Variants in THSD7B observed in about 807,000 individuals in gnomAD.
THSD7B encodes thrombospondin type-1 domain-containing protein 7B.
In THSD7B, 138 loss-of-function variants were observed where a neutral mutation model predicts 213.6. The ratio of observed to expected loss-of-function variants is 0.65; its 90% CI spans 0.56 to 0.74. THSD7B has a LOEUF of 0.74. THSD7B is among the 30% of genes least tolerant of loss of function. The probability of loss-of-function intolerance (pLI) is 0.00; values close to 1 mark genes in which losing one functional copy is unlikely to be tolerated. For missense variants in THSD7B, 1,931 were observed against 1,991.5 expected, an observed-to-expected ratio of 0.97 and a Z score of 0.58; for synonymous variants, 742 against 687.0, an observed-to-expected ratio of 1.08 and a Z score of -1.25.
At chr2:137,428,235 C>T (rs534052956) in intron 14 of THSD7B, among the ~76,000 whole-genome samples, 1 of 152,148 alleles carries the variant, frequency 6.6e-6, no homozygotes, top group East Asian at 1.9e-4. Flanking sequence ...TAAGGAACTA[C>T]AGACCAAAGC....
intron 4 of THSD7B, among the ~76,000 whole-genome samples, chr2:137,111,861 A>G (rs1015371356): frequency 1.3e-5 from 2 of 152,144 alleles, no homozygotes; most frequent in African/African-American, 2.4e-5. Context: ...TCGAAGTTTC[A>G]TCTCAGAGGA....
intron 12 of THSD7B, among the ~76,000 whole-genome samples, chr2:137,288,792 AATATAT>A (rs145513737): frequency 0.41 from 59,904 of 145,268 alleles, 11,973 homozygotes; most frequent in South Asian, 0.57. Context: ...CTAGAAACAT[AATATAT>A]ATATATATAT....
In THSD7B at chr2:136,890,303, C is replaced by CCTCCTCTTCTTCTT. The variant is rs1553455794; in HGVS notation, c.139+7988_139+7989insCCTCTTCTTCTTCT. On this transcript the variant is annotated intron_variant, in intron 2 of 27. Coordinates refer to ENST00000409968, the MANE Select transcript of THSD7B (RefSeq NM_001316349.2). ...TGCTCATTCATGTCCATGTCCTACTCCTTCTTCTTCTTCTTCTTCTTCTTC... is the reference window on the plus strand; with the variant it reads ...TGCTCATTCATGTCCATGTCCTACTCCTCCTCTTCTTCTTCTTCTTCTTCTTCTTCTTCTTCTTC... 2.5e-3 allele frequency among the ~76,000 whole-genome samples: 13 copies of CCTCCTCTTCTTCTT among 5,162 alleles called. 3 individuals are homozygous for CCTCCTCTTCTTCTT. The highest frequency in any genetic ancestry group is 3.4e-3 in the Non-Finnish European group (7 of 2,048). 3.4% of individuals were successfully genotyped at this position (5,162 alleles called of 152,430 possible).
At chr2:137,125,212 G>A (rs145757713) in intron 5 of THSD7B, among the ~76,000 whole-genome samples, 19 of 152,154 alleles carry the variant, frequency 1.2e-4, no homozygotes, top group Non-Finnish European at 2.1e-4. Flanking sequence ...TTCCTTATAC[G>A]ACAGATTTCT....
chr2:137,246,216 G>T (rs1222800807), intron 10 of THSD7B, among the ~76,000 whole-genome samples: 1 of 152,118 alleles, frequency 6.6e-6, no homozygotes, highest in Non-Finnish European at 1.5e-5. Flanking sequence ...GAAGACAGAA[G>T]AACTCCTTTT....
intron 1 of THSD7B, among the ~76,000 whole-genome samples, chr2:136,830,612 TTTC>T (rs1682737788): frequency 6.6e-6 from 1 of 152,222 alleles, no homozygotes; most frequent in Non-Finnish European, 1.5e-5. Flanking sequence ...GTAAATGTAT[TTTC>T]TTCTTCTCTC....
intron 1 of THSD7B, among the ~76,000 whole-genome samples, chr2:136,815,141 C>T (rs542004048): frequency 2.0e-4 from 31 of 152,252 alleles, no homozygotes; most frequent in African/African-American, 6.7e-4. Flanking sequence ...ATAAGTTTGC[C>T]GACTCTTGTT....
At chr2:137,298,051 C>T (rs974053265) in intron 12 of THSD7B, among the ~76,000 whole-genome samples, 1 of 152,026 alleles carries the variant, frequency 6.6e-6, no homozygotes, top group Non-Finnish European at 1.5e-5. Context: ...CAGAAGAAGA[C>T]AGGAAAATGT....
chr2:137,485,649 G>A (rs942758528), intron 15 of THSD7B, among the ~76,000 whole-genome samples: 5 of 152,070 alleles, frequency 3.3e-5, no homozygotes, highest in African/African-American at 9.7e-5. Flanking sequence ...TACAGAGAAT[G>A]CCACAAAGAT....
intron 12 of THSD7B, among the ~76,000 whole-genome samples, chr2:137,388,497 T>G (rs1002843585): frequency 2.0e-5 from 3 of 152,280 alleles, no homozygotes; most frequent in Admixed American, 2.0e-4. Flanking sequence ...TTCAAGTATT[T>G]ATCATTTCTA....
At chr2:136,866,775 T>C (rs1164330764) in intron 1 of THSD7B, among the ~76,000 whole-genome samples, 1 of 152,160 alleles carries the variant, frequency 6.6e-6, no homozygotes, top group African/African-American at 2.4e-5. Flanking sequence ...TTGGCAACAG[T>C]CTGGAAAGTA....
chr2:136,769,416 G>A (rs1113259), intron 1 of THSD7B, among the ~76,000 whole-genome samples: 69,792 of 151,984 alleles, frequency 0.46, 17,090 homozygotes, highest in East Asian at 0.66. Flanking sequence ...GGGAAAATCA[G>A]ATATTAGTGA....
intron 1 of THSD7B, among the ~76,000 whole-genome samples, chr2:136,808,680 G>A (rs1682327214): frequency 6.6e-6 from 1 of 152,326 alleles, no homozygotes; most frequent in Non-Finnish European, 1.5e-5. Flanking sequence ...ATCCTCATTA[G>A]CACTTGCTAT....
intron 11 of THSD7B, 146 bp downstream of exon 11, chr2:137,272,808 C>G (rs962939273): frequency 1.1e-6 from 1 of 930,586 alleles, no homozygotes; most frequent in African/African-American, 1.7e-5. Flanking sequence ...TATTCTTACC[C>G]TCTTATCTGG....
chr2:137,409,364 A>G (rs532609590), intron 13 of THSD7B, among the ~76,000 whole-genome samples: 3 of 152,336 alleles, frequency 2.0e-5, no homozygotes, highest in South Asian at 2.1e-4. Context: ...TTGAAGTGAT[A>G]TACCTTTGTC....
At chr2:137,469,685 A>C (rs1688056195) in intron 15 of THSD7B, among the ~76,000 whole-genome samples, 1 of 152,146 alleles carries the variant, frequency 6.6e-6, no homozygotes, top group African/African-American at 2.4e-5. Context: ...TGATTCTTGA[A>C]AACTTTAAAC....
intron 7 of THSD7B, among the ~76,000 whole-genome samples, chr2:137,214,761 C>A (rs571499345): frequency 6.6e-6 from 1 of 152,128 alleles, no homozygotes; most frequent in South Asian, 2.1e-4. Context: ...AGGACATGAG[C>A]GCATCCTTTT....
At chr2:137,609,463 T>C (rs997957793) in intron 17 of THSD7B, among the ~76,000 whole-genome samples, 1 of 152,072 alleles carries the variant, frequency 6.6e-6, no homozygotes, top group African/African-American at 2.4e-5. Flanking sequence ...GGAAGAGCAT[T>C]GCAGGCAGAG....
intron 15 of THSD7B, among the ~76,000 whole-genome samples, chr2:137,509,962 C>T (rs190723907): frequency 2.6e-5 from 4 of 151,996 alleles, no homozygotes; most frequent in South Asian, 2.1e-4. Flanking sequence ...ATTTATTGTT[C>T]GTTTGGTTTT....
Sources: allele counts gnomAD v4.1 joint callset (sites outside exome capture counted in the v4.1 genomes callset), GRCh38; gene constraint gnomAD v4.1.1; transcripts MANE v1.5; gene names NCBI Gene and HGNC (gene_info 2026-07-23, HGNC 2026-07-21).